IL1RAPL2: variants seen among roughly 807,000 people sequenced by gnomAD.
IL1RAPL2 encodes X-linked interleukin-1 receptor accessory protein-like 2.
In IL1RAPL2, 3 loss-of-function variants were observed where a neutral mutation model predicts 44.1. That is an observed-to-expected ratio of 0.07 (90% confidence interval 0.03 to 0.18). The LOEUF is 0.18. Among genes scored for constraint, IL1RAPL2 ranks in the 10% least tolerant of loss-of-function variants. The pLI is 1.00. For missense variants in IL1RAPL2, 391 were observed against 496.4 expected, an observed-to-expected ratio of 0.79 and a Z score of 2.02; for synonymous variants, 181 against 178.8, an observed-to-expected ratio of 1.01 and a Z score of -0.10.
At chrX:105,373,130 C>T (rs754535398) in intron 5 of IL1RAPL2, among the ~76,000 whole-genome samples, 2 of 112,705 alleles carry the variant, frequency 1.8e-5, no homozygotes, top group South Asian at 7.3e-4. Flanking sequence ...TTTACATTCC[C>T]ACCAATGGTG....
chrX:105,280,908 A>G lies in IL1RAPL2; in HGVS notation c.697+13367A>G, dbSNP rs189362814. On this transcript the variant is annotated intron_variant, in intron 5 of 10. Coordinates refer to ENST00000372582, the MANE Select transcript of IL1RAPL2 (RefSeq NM_017416.2). Reference sequence around the variant, plus strand: ...TAGAACTAGAAATACCATTTGACCCAGCCATCCCATTACTGGGTATATACC... The same window carrying G: ...TAGAACTAGAAATACCATTTGACCCGGCCATCCCATTACTGGGTATATACC... Among the ~76,000 whole-genome samples the G allele has an allele frequency of 5.4e-5, 6 of 111,693 alleles. No homozygotes were observed. In the East Asian group the frequency reaches 8.5e-4, roughly 16 times the overall value.
chrX:104,965,819 TAAAG>T (rs1050808502), intron 2 of IL1RAPL2, among the ~76,000 whole-genome samples: 7 of 111,247 alleles, frequency 6.3e-5, no homozygotes. Context: ...AGATTAGGCA[TAAAG>T]AAAGAATGAG....
intron 2 of IL1RAPL2, among the ~76,000 whole-genome samples, chrX:104,970,159 A>G (rs1416564476): frequency 8.9e-6 from 1 of 111,956 alleles, no homozygotes. Flanking sequence ...AAAAAGGCAA[A>G]ATTTAAACAA....
intron 1 of IL1RAPL2, among the ~76,000 whole-genome samples, chrX:104,646,365 A>C (rs1284940446): frequency 1.8e-5 from 2 of 108,821 alleles, no homozygotes; most frequent in African/African-American, 6.7e-5. Context: ...TCTGCCCTTG[A>C]AATAGTTAAA....
chrX:105,053,953 T>C (rs980021294), intron 2 of IL1RAPL2, among the ~76,000 whole-genome samples: 2 of 111,518 alleles, frequency 1.8e-5, no homozygotes, highest in Non-Finnish European at 3.8e-5. Context: ...TGAGCTATGA[T>C]TGTATTACTG....
chrX:105,312,054 G>T (rs1281998943), intron 5 of IL1RAPL2, among the ~76,000 whole-genome samples: 1 of 111,504 alleles, frequency 9.0e-6, no homozygotes, highest in Non-Finnish European at 1.9e-5. Context: ...CCTCTTTTTT[G>T]AACACATCAT....
rs764163410 is a variant in IL1RAPL2, at chrX:105,586,500, C to T, written c.772+102113C>T. Among the ~76,000 whole-genome samples the T allele has an allele frequency of 8.1e-5, 9 of 111,751 alleles. No individual in the cohort carries two copies. The East Asian group carries it at 1.7e-3, about 21-fold the overall frequency. On this transcript the variant is annotated intron_variant, in intron 6 of 10. Coordinates refer to ENST00000372582, the MANE Select transcript of IL1RAPL2 (RefSeq NM_017416.2). ...GTTTTAACTTGGAGTCAGTACCCTT[C>T]TTTTCAGGATTAATCTTGAAATTTT...
intron 5 of IL1RAPL2, among the ~76,000 whole-genome samples, chrX:105,270,439 T>A (rs1265865640): frequency 2.7e-5 from 3 of 111,789 alleles, no homozygotes; most frequent in African/African-American, 9.7e-5. Context: ...GGGAAAGCAA[T>A]CATTTATTCA....
chrX:105,059,519 C>CTTTTCTTTCTTTT (rs2032043792), intron 2 of IL1RAPL2, among the ~76,000 whole-genome samples: 1 of 111,781 alleles, frequency 8.9e-6, no homozygotes, highest in African/African-American at 3.3e-5. Flanking sequence ...GCCAAATTTT[C>CTTTTCTTTCTTTT]TTTTCTTTCT....
At chrX:105,208,454 A>T (rs1556154558) in intron 3 of IL1RAPL2, among the ~76,000 whole-genome samples, 1 of 112,083 alleles carries the variant, frequency 8.9e-6, no homozygotes, top group Non-Finnish European at 1.9e-5. Context: ...ACAGGTGTTG[A>T]TAAATTCACA....
chrX:105,253,138 TTTC>T (rs2034284538), intron 4 of IL1RAPL2, among the ~76,000 whole-genome samples: 1 of 111,540 alleles, frequency 9.0e-6, no homozygotes, highest in Non-Finnish European at 1.9e-5. Flanking sequence ...AATTTAAACA[TTTC>T]TTCTTTTTCT....
At chrX:105,455,859 A>G (rs1255435486) in intron 5 of IL1RAPL2, among the ~76,000 whole-genome samples, 4 of 112,095 alleles carry the variant, frequency 3.6e-5, no homozygotes, top group Admixed American at 9.5e-5. Flanking sequence ...TCTGTGAAGA[A>G]TGTCATTGGT....
At chrX:104,862,090 GT>G (rs1162811777) in intron 2 of IL1RAPL2, among the ~76,000 whole-genome samples, 1 of 111,208 alleles carries the variant, frequency 9.0e-6, no homozygotes, top group Non-Finnish European at 1.9e-5. Context: ...CAATTTGAAA[GT>G]AGTTTGATGA....
chrX:105,692,358 G>A (rs915690035), intron 6 of IL1RAPL2, among the ~76,000 whole-genome samples: 2 of 111,972 alleles, frequency 1.8e-5, no homozygotes, highest in Non-Finnish European at 3.8e-5. Flanking sequence ...AGCAAATGTT[G>A]ATAGCTAGTC....
At chrX:105,214,490 C>A (rs1284580136) in intron 3 of IL1RAPL2, among the ~76,000 whole-genome samples, 1 of 110,593 alleles carries the variant, frequency 9.0e-6, no homozygotes, top group Non-Finnish European at 1.9e-5. Context: ...TTCTTAAAGA[C>A]CTGCAAAGAG....
intron 1 of IL1RAPL2, among the ~76,000 whole-genome samples, chrX:104,608,045 A>C (rs1427222216): frequency 9.0e-6 from 1 of 110,718 alleles, no homozygotes; most frequent in Non-Finnish European, 1.9e-5. Context: ...AATACTATGC[A>C]GCCATAAAAA....
At chrX:105,593,162 G>A (rs75866569) in intron 6 of IL1RAPL2, among the ~76,000 whole-genome samples, 7,078 of 110,766 alleles carry the variant, frequency 0.064, 579 homozygotes, top group African/African-American at 0.22. Flanking sequence ...TTTTCTGACC[G>A]AGTTGATTCG....
rs146597418 is a variant in IL1RAPL2 at position 105,263,314 on chromosome X, A to G, written c.544-4074A>G. ...AAGGTGTTTGAGGACTAGAGGTTAC[A>G]TGGTTAGTTTATGGTCGCATAGCTG... On this transcript the variant is annotated intron_variant, in intron 4 of 10. Coordinates refer to ENST00000372582, the MANE Select transcript of IL1RAPL2 (RefSeq NM_017416.2). Among the ~76,000 whole-genome samples, 494 of 111,566 alleles carry G rather than the reference A, an allele frequency of 4.4e-3. 7 individuals are homozygous for G. Among genetic ancestry groups the G allele is most frequent in the African/African-American group, 0.015 (464 of 30,706 alleles).
intron 2 of IL1RAPL2, among the ~76,000 whole-genome samples, chrX:105,153,235 G>A (rs1321448534): frequency 1.8e-5 from 2 of 111,918 alleles, no homozygotes; most frequent in Non-Finnish European, 3.8e-5. Context: ...ATGTGCTAAT[G>A]GTAAATACCA....
Sources: gnomAD v4.1 joint callset for allele counts (sites outside exome capture counted in the v4.1 genomes callset) on GRCh38, gnomAD v4.1.1 for gene constraint, MANE v1.5 for transcripts, NCBI Gene and HGNC (gene_info 2026-07-23, HGNC 2026-07-21) for gene names.